The following CERK variants were observed in gnomAD, a reference collection of about 807,000 sequenced individuals.
The protein encoded by CERK is acylsphingosine kinase.
In CERK, 39 loss-of-function variants were observed where a neutral mutation model predicts 63.4. The ratio of observed to expected loss-of-function variants is 0.61; its 90% CI spans 0.48 to 0.80. CERK has a LOEUF of 0.80. CERK is among the 30% of genes least tolerant of loss of function. The pLI is 0.00. For synonymous variants in CERK, 302 were observed against 280.0 expected (o/e 1.08, Z -0.78); for missense variants, 670 against 714.1 (o/e 0.94, Z 0.70).
intron 1 of CERK, among the ~76,000 whole-genome samples, chr22:46,737,633 G>A (rs2082981477): frequency 8.1e-6 from 1 of 124,168 alleles, no homozygotes; most frequent in South Asian, 2.7e-4. Flanking sequence ...CGCGCGGTGG[G>A]GAGCGCCTGG....
rs550362158 is a variant in CERK at position 46,716,976 on chromosome 22, G to A, written c.379+3110C>T. On this transcript the variant is annotated intron_variant, in intron 3 of 12. Coordinates refer to ENST00000216264, the MANE Select transcript of CERK (RefSeq NM_022766.6). ...GAAAAAAAGAATGAAAGAAAGGAAG[G>A]AAGAGAAAGATAACAACCAAACGGA... Among the ~76,000 whole-genome samples, 45 of 151,784 alleles carry A rather than the reference G, an allele frequency of 3.0e-4. 1 individual carries two copies. Among genetic ancestry groups the A allele is most frequent in the African/African-American group, 1.0e-3 (42 of 41,368 alleles).
intron 1 of CERK, among the ~76,000 whole-genome samples, chr22:46,733,503 A>G (rs1569332146): frequency 1.3e-5 from 2 of 151,040 alleles, no homozygotes; most frequent in Admixed American, 6.6e-5. Flanking sequence ...CATGTTGGGC[A>G]GGCTGGTCAC....
At chr22:46,725,253 G>A (rs939102697) in intron 1 of CERK, among the ~76,000 whole-genome samples, 20 of 149,226 alleles carry the variant, frequency 1.3e-4, no homozygotes, top group East Asian at 5.8e-4. Context: ...ATAAAGAACC[G>A]GGCCAAGAAT....
At position 46,720,183 on chromosome 22, in the gene CERK, C is replaced by G. The variant is rs1601725110; in HGVS notation, c.282G>C (p.Arg94=). 1 of 1,613,918 alleles carries G rather than the reference C, an allele frequency of 6.2e-7. No homozygotes were observed. The highest frequency in any genetic ancestry group is 8.5e-7 in the Non-Finnish European group (1 of 1,179,978). The change falls in exon 3 of 13, where the codon CGG becomes CGC. Residue 94 remains arginine (R), a synonymous_variant. Transcript: ENST00000216264. The part of the protein sequence containing the change: ...FTVHCVKRAR[R]HRWKWAQVTF... The stretch of plus-strand genomic sequence containing the variant: ...TCACCTGCGCCCACTTCCAGCGGTG[C>G]CGTCGTGCTCTCTTTACACAGTGAA...
chr22:46,738,215 G>C lies in CERK; in HGVS notation c.-67C>G. The C allele has an allele frequency of 9.8e-7, 1 of 1,016,798 alleles. No individual in the cohort carries two copies. The highest frequency in any genetic ancestry group is 1.2e-6 in the Non-Finnish European group (1 of 844,818). 63.0% of individuals were successfully genotyped at this position (1,016,798 alleles called of 1,614,324 possible). A position where few individuals can be genotyped will look rare whatever the true frequency, so the allele number is the denominator to read the frequency against. On this transcript the variant is annotated 5_prime_UTR_variant, in exon 1 of 13. Transcript: ENST00000216264. The stretch of plus-strand genomic sequence containing the variant: ...CGCCGAGGGGCGCCGGACCGTTAGC[G>C]GCCCCTGCAGTGGCCCGGGCGGCGG...
At chr22:46,721,106 C>T (rs1278739994) in intron 1 of CERK, 91 bp from the exon 2 acceptor site, 1 of 817,414 alleles carries the variant, frequency 1.2e-6, no homozygotes, top group Non-Finnish European at 2.1e-6. Context: ...GAATATTCTG[C>T]TTTAATATTC....
In CERK at chr22:46,686,971, A is replaced by G. The variant is rs1402885363; in HGVS notation, c.*163T>C. On this transcript the variant is annotated 3_prime_UTR_variant, in exon 13 of 13. Transcript: ENST00000216264. ...GCGTACAGAACTGAAAATGCCAAAT[A>G]TGTACACAAAATTGTTGACAAAAGG... The G allele has an allele frequency of 3.0e-6, 2 of 666,502 alleles. No individual in the cohort carries two copies. Among genetic ancestry groups the G allele is most frequent in the Non-Finnish European group, 5.0e-6 (2 of 398,778 alleles). The allele number at this position is 666,502 out of a possible 1,614,324, so 41.3% of individuals were successfully genotyped here. A position where few individuals can be genotyped will look rare whatever the true frequency, so the allele number is the denominator to read the frequency against.
chr22:46,717,574 G>T (rs1201591043), intron 3 of CERK, among the ~76,000 whole-genome samples: 1 of 152,244 alleles, frequency 6.6e-6, no homozygotes, highest in Non-Finnish European at 1.5e-5. Context: ...AGGCACAAAA[G>T]GTTTCATACT....
At chr22:46,702,332 T>C (rs1287864672) in intron 6 of CERK, among the ~76,000 whole-genome samples, 1 of 147,040 alleles carries the variant, frequency 6.8e-6, no homozygotes, top group African/African-American at 2.5e-5. Context: ...TCTTGCTCTG[T>C]CGCCCAGGCT....
intron 1 of CERK, among the ~76,000 whole-genome samples, chr22:46,724,802 GA>G (rs2146586848): frequency 6.6e-6 from 1 of 152,084 alleles, no homozygotes; most frequent in South Asian, 2.1e-4. Flanking sequence ...GGCGGATCAC[GA>G]GGTCAGGAGA....
intron 1 of CERK, among the ~76,000 whole-genome samples, chr22:46,724,853 A>G (rs1235191001): frequency 6.6e-6 from 1 of 152,092 alleles, no homozygotes; most frequent in African/African-American, 2.4e-5. Context: ...CCCCGACTCT[A>G]CTAAAAATAC....
At chr22:46,722,200 T>A (rs1361474019) in intron 1 of CERK, among the ~76,000 whole-genome samples, 2 of 151,468 alleles carry the variant, frequency 1.3e-5, no homozygotes, top group African/African-American at 4.9e-5. Flanking sequence ...TTGCCGTAGC[T>A]AAATGCAAAA....
At chr22:46,710,686 T>C (rs2082836299) in intron 5 of CERK, among the ~76,000 whole-genome samples, 1 of 152,168 alleles carries the variant, frequency 6.6e-6, no homozygotes, top group African/African-American at 2.4e-5. Context: ...GACCATGATA[T>C]GGGCATTAAA....
chr22:46,726,274 C>A (rs2082917736), intron 1 of CERK, among the ~76,000 whole-genome samples: 1 of 152,252 alleles, frequency 6.6e-6, no homozygotes, highest in African/African-American at 2.4e-5. Context: ...CACAGGGGAG[C>A]ACAGCGGTCC....
At chr22:46,705,696 G>C (rs560846311) in intron 6 of CERK, among the ~76,000 whole-genome samples, 66 of 151,626 alleles carry the variant, frequency 4.4e-4, no homozygotes, top group Non-Finnish European at 5.0e-4. Flanking sequence ...CCAACCCAAA[G>C]AACTGGAACG....
Position 46,701,682 on chromosome 22 carries a change from G to T in CERK, c.744C>A (p.Thr248=). Residue 248 remains threonine, a synonymous_variant, in exon 7 of 13, where the codon ACC becomes ACA. Transcript: ENST00000216264. ...AGGTTTCTGCGTCGCTGGTGCCCAC[G>T]GTGGAGTAACACACGCAGTCCGTTG... ...AGSTDCVCYS[T]VGTSDAETSA... is the part of the protein sequence containing the mutation. The T allele has an allele frequency of 6.4e-7, 1 of 1,558,862 alleles. No individual in the cohort carries two copies. The highest frequency in any genetic ancestry group is 2.4e-5 in the East Asian group (1 of 41,302).
intron 8 of CERK, 37 bp downstream of exon 8, chr22:46,699,276 G>T: frequency 1.2e-6 from 2 of 1,608,256 alleles, no homozygotes; most frequent in South Asian, 2.2e-5. Flanking sequence ...GTCGGGGCAC[G>T]ACCAGCGGGG....
intron 1 of CERK, among the ~76,000 whole-genome samples, chr22:46,721,551 A>G (rs1369592798): frequency 6.6e-6 from 1 of 152,124 alleles, no homozygotes; most frequent in Non-Finnish European, 1.5e-5. Flanking sequence ...CACCAAATGG[A>G]GGCTGTGATT....
chr22:46,725,598 C>A (rs944509803), intron 1 of CERK, among the ~76,000 whole-genome samples: 1 of 152,218 alleles, frequency 6.6e-6, no homozygotes, highest in Non-Finnish European at 1.5e-5. Flanking sequence ...GAATTGGGGG[C>A]ACTTTCATAT....
Sources: allele counts gnomAD v4.1 joint callset (sites outside exome capture counted in the v4.1 genomes callset), GRCh38; gene constraint gnomAD v4.1.1; transcripts MANE v1.5; gene names NCBI Gene and HGNC (gene_info 2026-07-23, HGNC 2026-07-21).